The following UBR4 variants were observed in gnomAD, a reference collection of about 807,000 sequenced individuals.
The protein encoded by UBR4 is ubiquitin protein ligase E3 component n-recognin 4.
Under a neutral mutation model 575.6 loss-of-function variants are expected in UBR4, and 124 were observed. The ratio of observed to expected loss-of-function variants is 0.22; its 90% CI spans 0.19 to 0.25. UBR4 has a LOEUF of 0.25. Among genes scored for constraint, UBR4 ranks in the 10% least tolerant of loss-of-function variants. UBR4 has a pLI of 1.00. For synonymous variants in UBR4, 2,455 were observed against 2,473.7 expected (o/e 0.99, Z 0.22); for missense variants, 4,818 against 6,478.8 (o/e 0.74, Z 8.80).
intron 52 of UBR4, 30 bp downstream of exon 52, chr1:19,146,796 C>T: frequency 6.2e-7 from 1 of 1,600,462 alleles, no homozygotes; most frequent in East Asian, 2.2e-5. Flanking sequence ...AAGCAGATCT[C>T]AGGACCACGG....
At chr1:19,198,758 G>A (rs779515402) in intron 4 of UBR4, 41 bp downstream of exon 4, 4 of 1,612,974 alleles carry the variant, frequency 2.5e-6, no homozygotes, top group African/African-American at 2.7e-5. Flanking sequence ...AAGGTGCCAT[G>A]GGGGTGGTCA....
intron 8 of UBR4, among the ~76,000 whole-genome samples, chr1:19,194,347 G>A (rs2092316244): frequency 1.3e-5 from 2 of 152,126 alleles, no homozygotes; most frequent in South Asian, 2.1e-4. Flanking sequence ...TCTAAGCCAG[G>A]TGTGGTGGTG....
intron 60 of UBR4, among the ~76,000 whole-genome samples, chr1:19,134,429 C>T (rs1321856951): frequency 6.6e-6 from 1 of 152,010 alleles, no homozygotes; most frequent in African/African-American, 2.4e-5. Flanking sequence ...GAAAACAAAA[C>T]AAGAAACAAC....
At chr1:19,097,676 A>G (rs1329883906) in intron 90 of UBR4, among the ~76,000 whole-genome samples, 1 of 152,216 alleles carries the variant, frequency 6.6e-6, no homozygotes. Flanking sequence ...GCGGAGGTCT[A>G]ATTCCAAGCC....
rs929795438 is a variant in UBR4, at chr1:19,121,039, T to C, written c.10141+150A>G. Reference sequence around the variant, plus strand: ...GGTGTCACTTCAGTATAATTGAAAATGAGACCAAAAGTAGACACTAGAGAA... The same window carrying C: ...GGTGTCACTTCAGTATAATTGAAAACGAGACCAAAAGTAGACACTAGAGAA... On this transcript the variant is annotated intron_variant, in intron 68 of 105. Coordinates refer to ENST00000375254, the MANE Select transcript of UBR4 (RefSeq NM_020765.3). The C allele has an allele frequency of 2.7e-6, 3 of 1,110,388 alleles. No homozygotes were observed. In the African/African-American group the frequency reaches 4.7e-5, roughly 17 times the overall value. The allele number at this position is 1,110,388 out of a possible 1,614,324, so 68.8% of individuals were successfully genotyped here. A position where few individuals can be genotyped will look rare whatever the true frequency, so the allele number is the denominator to read the frequency against.
rs1179996585 is a variant in UBR4, at chr1:19,144,831, A to G, written c.8022T>C (p.Cys2674=). 5.0e-6 allele frequency: 8 copies of G among 1,614,084 alleles called. No individual in the cohort carries two copies. Among genetic ancestry groups the G allele is most frequent in the Non-Finnish European group, 5.9e-6 (7 of 1,180,028 alleles). ...TGTAGATCTTGGATGCTGTGTTAATACAATCCAGCTCACAGGTACAGTAGC... is the reference window on the plus strand; with the variant it reads ...TGTAGATCTTGGATGCTGTGTTAATGCAATCCAGCTCACAGGTACAGTAGC... ...IHGYCTCELD[C]INTASKIYMQ... is the part of the protein sequence containing the mutation. Residue 2674 remains cysteine, a synonymous_variant, in exon 54 of 106, where the codon TGT becomes TGC. Transcript: ENST00000375254.
chr1:19,086,324 A>G, intron 100 of UBR4, 54 bp from the exon 101 acceptor site: 1 of 506,214 alleles, frequency 2.0e-6, no homozygotes. Flanking sequence ...CGTGGCAACC[A>G]GGCACCTGGG....
Position 19,197,270 on chromosome 1 carries a change from A to G in UBR4, c.894-5T>C, listed in dbSNP as rs2092511943. The G allele has an allele frequency of 6.2e-7, 1 of 1,614,000 alleles. No individual in the cohort carries two copies. The highest frequency in any genetic ancestry group is 1.3e-5 in the African/African-American group (1 of 74,924). ...TCAATCACCAATGAATGAAAGCTGG[A>G]ACATGACAGAGATCAACAAGTGTCT... is the stretch of plus-strand genomic sequence containing the variant. On this transcript the variant is annotated splice_region_variant and splice_polypyrimidine_tract_variant and intron_variant, in intron 7 of 105. Transcript: ENST00000375254.
chr1:19,144,193 A>G, intron 54 of UBR4, 102 bp from the exon 55 acceptor site: 1 of 1,030,128 alleles, frequency 9.7e-7, no homozygotes, highest in Non-Finnish European at 1.5e-6. Context: ...ATGCAAGTGG[A>G]ATACCTCTCT....
chr1:19,176,794 T>C, intron 19 of UBR4, 67 bp from the exon 20 acceptor site: 1 of 1,558,036 alleles, frequency 6.4e-7, no homozygotes. Context: ...CACTCAGGCA[T>C]GATAATAGCT....
chr1:19,143,876 C>T, intron 55 of UBR4, 104 bp downstream of exon 55: 1 of 1,046,840 alleles, frequency 9.6e-7, no homozygotes, highest in Non-Finnish European at 1.4e-6. Context: ...CATAAAGTCT[C>T]CAGGACCTTG....
intron 68 of UBR4, 42 bp downstream of exon 68, chr1:19,121,147 C>T: frequency 6.2e-7 from 1 of 1,600,078 alleles, no homozygotes; most frequent in Non-Finnish European, 8.5e-7. Flanking sequence ...GAGAGATTTA[C>T]ATACATCATT....
At chr1:19,141,585 A>C (rs2083944460) in intron 56 of UBR4, 61 bp from the exon 57 acceptor site, 1 of 1,602,942 alleles carries the variant, frequency 6.2e-7, no homozygotes, top group South Asian at 1.1e-5. Context: ...AAGTCCACTG[A>C]ATAAGAGCTA....
chr1:19,162,773 G>T (rs750338389), intron 34 of UBR4, among the ~76,000 whole-genome samples, 162 bp from the exon 35 acceptor site: 1 of 152,150 alleles, frequency 6.6e-6, no homozygotes, highest in Admixed American at 6.6e-5. Flanking sequence ...TTACCACTCC[G>T]TCCCCACGTA....
intron 70 of UBR4, 74 bp from the exon 71 acceptor site, chr1:19,119,031 G>T: frequency 1.4e-6 from 2 of 1,412,182 alleles, no homozygotes; most frequent in South Asian, 1.2e-5. Context: ...TTTGTCTTCT[G>T]CATTCTAGCT....
chr1:19,197,525 A>G (rs2092532694), intron 7 of UBR4, 145 bp downstream of exon 7: 1 of 1,218,312 alleles, frequency 8.2e-7, no homozygotes, highest in Non-Finnish European at 1.1e-6. Context: ...GCTACTCAGG[A>G]GGCTGAGGTG....
At chr1:19,163,733 A>AC (rs780783656) in intron 34 of UBR4, 31 bp downstream of exon 34, 14 of 1,609,614 alleles carry the variant, frequency 8.7e-6, no homozygotes, top group African/African-American at 5.4e-5. Context: ...CTTTCCCTTC[A>AC]CCCCCCATTG....
At position 19,104,597 on chromosome 1, in the gene UBR4, T is replaced by G. The variant is rs757560092; in HGVS notation, c.12715A>C (p.Lys4239Gln). ...GGTGGCTCTTTACCTGTGAGACTTT[T>G]AAGGGCATAACCCTGCTGCAGATCG... ...STDLQQGYAL[K>Q]SLTGLLSSFV... Residue 4239 changes from lysine to glutamine, a missense_variant, in exon 86 of 106, where the codon AAA becomes CAA. Lys to Gln is a moderately conservative substitution (Grantham distance 53). Transcript: ENST00000375254. 1.2e-6 allele frequency: 2 copies of G among 1,614,120 alleles called. No individual in the cohort carries two copies. The highest frequency in any genetic ancestry group is 8.5e-7 in the Non-Finnish European group (1 of 1,179,994).
At chr1:19,202,064 G>A (rs1289612078) in intron 1 of UBR4, among the ~76,000 whole-genome samples, 2 of 152,026 alleles carry the variant, frequency 1.3e-5, no homozygotes, top group African/African-American at 4.8e-5. Context: ...GTGGTGGCAC[G>A]TGCCTATAGT....
Sources: allele counts gnomAD v4.1 joint callset (sites outside exome capture counted in the v4.1 genomes callset), GRCh38; gene constraint gnomAD v4.1.1; transcripts MANE v1.5; gene names NCBI Gene and HGNC (gene_info 2026-07-23, HGNC 2026-07-21).